FOXP2: variants seen among roughly 807,000 people sequenced by gnomAD.
FOXP2 encodes forkhead box P2, also known as forkhead box protein P2.
FOXP2 carries 12 observed loss-of-function variants against 115.8 expected under a neutral mutation model. The observed-to-expected ratio is 0.10, with a 90% CI of 0.07 to 0.17. The LOEUF is 0.17. Among genes scored for constraint, FOXP2 ranks in the 10% least tolerant of loss-of-function variants. The pLI, the probability that FOXP2 is intolerant of heterozygous loss-of-function variation, is 1.00. For synonymous variants in FOXP2, 328 were observed against 297.7 expected (o/e 1.10, Z -1.05); for missense variants, 629 against 843.5 (o/e 0.75, Z 3.15).
intron 2 of FOXP2, among the ~76,000 whole-genome samples, chr7:114,491,498 C>T (rs1302566481): frequency 6.6e-6 from 1 of 151,720 alleles, no homozygotes; most frequent in Non-Finnish European, 1.5e-5. Flanking sequence ...TGTGCAGAAG[C>T]TCTTTAGTTT....
At chr7:114,525,112 T>C (rs917162755) in intron 2 of FOXP2, among the ~76,000 whole-genome samples, 10 of 152,182 alleles carry the variant, frequency 6.6e-5, no homozygotes, top group African/African-American at 2.4e-4. Context: ...ATTTACACTA[T>C]GCTAGACCCA....
At chr7:114,269,941 T>A (rs981239898) in intron 1 of FOXP2, among the ~76,000 whole-genome samples, 2 of 152,224 alleles carry the variant, frequency 1.3e-5, no homozygotes, top group African/African-American at 4.8e-5. Context: ...GGTGCTTTTC[T>A]TAACTGTCTT....
Position 114,549,135 on chromosome 7 carries a change from C to T in FOXP2, c.258+14429C>T, listed in dbSNP as rs76430279. ...TTCAAGGAAACCTTGCTTTCTCTTA[C>T]CCCAAACTTCCATTGACACATACTG... is the stretch of plus-strand genomic sequence containing the variant. On this transcript the variant is annotated intron_variant, in intron 3 of 16. Transcript: ENST00000350908. 2.5e-4 allele frequency among the ~76,000 whole-genome samples: 38 copies of T among 152,278 alleles called. No homozygotes were observed. The East Asian group carries it at 7.3e-3, about 29-fold the overall frequency.
At chr7:114,178,477 T>G (rs527420518) in intron 1 of FOXP2, among the ~76,000 whole-genome samples, 3 of 151,972 alleles carry the variant, frequency 2.0e-5, no homozygotes, top group Non-Finnish European at 4.4e-5. Flanking sequence ...AGGATTTGAT[T>G]CTAAGCAAAA....
chr7:114,501,614 G>T (rs931024748), intron 2 of FOXP2, among the ~76,000 whole-genome samples: 6 of 152,090 alleles, frequency 3.9e-5, no homozygotes, highest in Admixed American at 1.3e-4. Flanking sequence ...CCTTGAAGCT[G>T]TGAAACATGG....
At chr7:114,231,930 C>T (rs1028010603) in intron 1 of FOXP2, among the ~76,000 whole-genome samples, 1 of 152,064 alleles carries the variant, frequency 6.6e-6, no homozygotes, top group African/African-American at 2.4e-5. Flanking sequence ...AGGCAGCCTA[C>T]AGAGTGGTAG....
chr7:114,284,577 A>G (rs1796419832), intron 1 of FOXP2, among the ~76,000 whole-genome samples: 1 of 152,162 alleles, frequency 6.6e-6, no homozygotes, highest in Non-Finnish European at 1.5e-5. Context: ...AATCTATGCT[A>G]TGGAAAAAAA....
chr7:114,253,729 G>C (rs549182359), intron 1 of FOXP2, among the ~76,000 whole-genome samples: 4 of 152,128 alleles, frequency 2.6e-5, no homozygotes, highest in Admixed American at 1.3e-4. Context: ...ACACTGATGG[G>C]TCTTGACTCT....
intron 1 of FOXP2, among the ~76,000 whole-genome samples, chr7:114,176,465 G>T (rs1019730714): frequency 1.3e-5 from 2 of 151,472 alleles, no homozygotes; most frequent in African/African-American, 2.4e-5. Flanking sequence ...CAGCTCCCCT[G>T]AGTAGCTGGG....
chr7:114,468,595 T>C (rs934259856), intron 2 of FOXP2, among the ~76,000 whole-genome samples: 2 of 152,092 alleles, frequency 1.3e-5, no homozygotes, highest in African/African-American at 2.4e-5. Context: ...TTTGCTCATG[T>C]TATCCCCTAC....
rs541845211 is a variant in FOXP2, at chr7:114,219,912, G to T, written c.-102+56824G>T. Among the ~76,000 whole-genome samples, 3 of 151,994 alleles carry T rather than the reference G, an allele frequency of 2.0e-5. No individual in the cohort carries two copies. The East Asian group carries it at 5.8e-4, about 29-fold the overall frequency. On this transcript the variant is annotated intron_variant, in intron 1 of 17. Coordinates refer to the FOXP2 transcript ENST00000634411. ...CGCTGTTGTTGCCCAGACTGGCCAG[G>T]CTGGAGTGCAGTGGCGCGATCTCGG...
intron 2 of FOXP2, among the ~76,000 whole-genome samples, chr7:114,355,793 G>A (rs1159347607): frequency 6.6e-6 from 1 of 152,124 alleles, no homozygotes; most frequent in Non-Finnish European, 1.5e-5. Flanking sequence ...TGTGCCCATG[G>A]AAAAGGTACA....
In FOXP2 at chr7:114,652,193, G is replaced by T. The variant is rs999009953; in HGVS notation, c.1095-10G>T. Reference sequence around the variant, plus strand: ...CTTTACATTCTGTTTTGTGTCTTCTGTTTGTTTAGGCACCTTAACAATGAA... The same window carrying T: ...CTTTACATTCTGTTTTGTGTCTTCTTTTTGTTTAGGCACCTTAACAATGAA... On this transcript the variant is annotated splice_polypyrimidine_tract_variant and intron_variant, in intron 8 of 16. Transcript: ENST00000350908. The T allele has an allele frequency of 1.2e-6, 2 of 1,612,292 alleles. No individual in the cohort carries two copies. The highest frequency in any genetic ancestry group is 1.1e-5 in the South Asian group (1 of 91,048).
intron 1 of FOXP2, among the ~76,000 whole-genome samples, chr7:114,273,739 A>C (rs898540807): frequency 2.0e-5 from 3 of 152,062 alleles, no homozygotes; most frequent in Non-Finnish European, 4.4e-5. Flanking sequence ...CTATGTCTGA[A>C]ATTAATATAG....
chr7:114,229,916 C>A (rs1794832635), intron 1 of FOXP2, among the ~76,000 whole-genome samples: 1 of 150,410 alleles, frequency 6.6e-6, no homozygotes, highest in Non-Finnish European at 1.5e-5. Flanking sequence ...AAATAGAGAC[C>A]CTAGAAAAGC....
intron 1 of FOXP2, among the ~76,000 whole-genome samples, chr7:114,089,589 T>G (rs1754060943): frequency 6.6e-6 from 1 of 152,042 alleles, no homozygotes; most frequent in African/African-American, 2.4e-5. Flanking sequence ...ATGAAATGGT[T>G]GTACCTGAAT....
At chr7:114,604,160 G>A (rs1032251361) in intron 3 of FOXP2, among the ~76,000 whole-genome samples, 4 of 152,154 alleles carry the variant, frequency 2.6e-5, no homozygotes. Flanking sequence ...AGTGGCTGGT[G>A]AGGATCTACT....
intron 1 of FOXP2, among the ~76,000 whole-genome samples, chr7:114,090,777 A>C (rs1799525914): frequency 6.6e-6 from 1 of 151,426 alleles, no homozygotes; most frequent in African/African-American, 2.4e-5. Context: ...TCAATTCTAT[A>C]GTCTTTATTA....
intron 1 of FOXP2, among the ~76,000 whole-genome samples, chr7:114,093,335 C>T (rs1465252222): frequency 6.6e-6 from 1 of 152,126 alleles, no homozygotes; most frequent in Admixed American, 6.5e-5. Flanking sequence ...TATAAAGTAA[C>T]AAATCCTCAT....
Sources: gnomAD v4.1 joint callset for allele counts (sites outside exome capture counted in the v4.1 genomes callset) on GRCh38, gnomAD v4.1.1 for gene constraint, MANE v1.5 for transcripts, NCBI Gene and HGNC (gene_info 2026-07-23, HGNC 2026-07-21) for gene names.